Variants in PPARGC1A observed in about 807,000 individuals in gnomAD.
PPARGC1A encodes peroxisome proliferator-activated receptor gamma coactivator 1-alpha.
A neutral mutation model predicts 88.7 loss-of-function variants in PPARGC1A; 25 were observed. That is an observed-to-expected ratio of 0.28 (90% CI 0.21 to 0.39). The LOEUF is 0.39. Among genes scored for constraint, PPARGC1A ranks in the 10% least tolerant of loss-of-function variants. The pLI is 1.00. For missense variants in PPARGC1A, 880 were observed against 968.7 expected, an observed-to-expected ratio of 0.91 and a Z score of 1.22; for synonymous variants, 363 against 355.6, an observed-to-expected ratio of 1.02 and a Z score of -0.24.
At chr4:23,881,222 T>G (rs1033664149) in intron 2 of PPARGC1A, 6 of 152,344 alleles carry the variant, frequency 3.9e-5, no homozygotes, top group Admixed American at 1.3e-4. Flanking sequence ...CCTGTTTTCC[T>G]TACACATGGA....
At chr4:24,470,375 T>C in the PPARGC1A span, among the ~76,000 whole-genome samples, 8 of 149,212 alleles carry the variant, frequency 5.4e-5, no homozygotes. The surrounding 1 kb of genome is among the most constrained non-coding windows in gnomAD (Gnocchi z 5.8). Flanking sequence ...GAGCTGGAGT[T>C]TGCGGAGCCG....
chr4:23,978,702 A>G, the PPARGC1A span, among the ~76,000 whole-genome samples: 1 of 152,200 alleles, frequency 6.6e-6, no homozygotes, highest in Admixed American at 6.5e-5. Flanking sequence ...TTCTAAAAAC[A>G]TTCACATCAA....
At chr4:24,170,897 C>G in the PPARGC1A span, among the ~76,000 whole-genome samples, 1 of 152,208 alleles carries the variant, frequency 6.6e-6, no homozygotes, top group East Asian at 1.9e-4. Context: ...TCCCCTTTCT[C>G]TGACATCATC....
the PPARGC1A span, among the ~76,000 whole-genome samples, chr4:24,031,476 A>G: frequency 3.9e-5 from 6 of 152,074 alleles, no homozygotes; most frequent in African/African-American, 1.5e-4. Flanking sequence ...AAACTGTCTA[A>G]TAAACCTGAT....
chr4:24,455,601 C>T, the PPARGC1A span, among the ~76,000 whole-genome samples: 11 of 152,326 alleles, frequency 7.2e-5, no homozygotes, highest in East Asian at 2.1e-3. Context: ...GAAACTTAAT[C>T]CCCAATGCAA....
the PPARGC1A span, among the ~76,000 whole-genome samples, chr4:24,102,518 T>A: frequency 6.6e-6 from 1 of 152,204 alleles, no homozygotes; most frequent in Non-Finnish European, 1.5e-5. Flanking sequence ...CCTTTGGAGG[T>A]AGGACAATCC....
chr4:24,362,198 A>G, the PPARGC1A span, among the ~76,000 whole-genome samples: 473 of 152,302 alleles, frequency 3.1e-3, 6 homozygotes, highest in African/African-American at 0.011. Context: ...CTTCAGATAC[A>G]GGCTGTGATC....
the PPARGC1A span, among the ~76,000 whole-genome samples, chr4:24,043,278 A>AT: frequency 6.6e-6 from 1 of 152,184 alleles, no homozygotes; most frequent in African/African-American, 2.4e-5. Flanking sequence ...TGCCAAATTA[A>AT]TCTTACTAAA....
At chr4:23,912,092 T>C in the PPARGC1A span, among the ~76,000 whole-genome samples, 1 of 152,112 alleles carries the variant, frequency 6.6e-6, no homozygotes, top group Non-Finnish European at 1.5e-5. Context: ...AGTGGGGAAA[T>C]TTTTTAGAAA....
chr4:24,421,839 T>G, the PPARGC1A span, among the ~76,000 whole-genome samples: 1 of 152,252 alleles, frequency 6.6e-6, no homozygotes, highest in Non-Finnish European at 1.5e-5. Context: ...GTTCTTGTTA[T>G]GTTTATTTTT....
At chr4:24,203,292 A>G in the PPARGC1A span, among the ~76,000 whole-genome samples, 2 of 152,172 alleles carry the variant, frequency 1.3e-5, no homozygotes, top group African/African-American at 4.8e-5. Flanking sequence ...TAATCCCAGC[A>G]CTTTGGGAGG....
the PPARGC1A span, among the ~76,000 whole-genome samples, chr4:24,390,899 T>C: frequency 1.3e-5 from 2 of 152,038 alleles, no homozygotes; most frequent in African/African-American, 4.8e-5. Context: ...TCAAGCAACT[T>C]AGGAATGTAA....
chr4:24,064,075 C>T, the PPARGC1A span, among the ~76,000 whole-genome samples: 1 of 152,140 alleles, frequency 6.6e-6, no homozygotes, highest in Admixed American at 6.5e-5. Flanking sequence ...CTTTCCCCAT[C>T]TCCTTCCCAG....
the PPARGC1A span, among the ~76,000 whole-genome samples, chr4:24,164,279 G>GTCAT: frequency 2.0e-5 from 3 of 152,096 alleles, no homozygotes; most frequent in Non-Finnish European, 2.9e-5. Context: ...AACCCTCAGA[G>GTCAT]TCATCAGTTG....
the PPARGC1A span, among the ~76,000 whole-genome samples, chr4:24,266,024 C>A: frequency 3.4e-4 from 52 of 152,212 alleles, no homozygotes; most frequent in Non-Finnish European, 5.3e-4. Flanking sequence ...TAACCCAAGC[C>A]CGTAAAAAGG....
At chr4:24,115,275 G>C in the PPARGC1A span, among the ~76,000 whole-genome samples, 1 of 152,122 alleles carries the variant, frequency 6.6e-6, no homozygotes, top group African/African-American at 2.4e-5. Context: ...TTGCACAATT[G>C]TCGCTTTAAA....
the PPARGC1A span, among the ~76,000 whole-genome samples, chr4:24,164,741 T>C: frequency 6.6e-6 from 1 of 152,164 alleles, no homozygotes; most frequent in Non-Finnish European, 1.5e-5. Flanking sequence ...TTGCAGCACA[T>C]GGGAAAAGTA....
chr4:24,029,529 T>C, the PPARGC1A span, among the ~76,000 whole-genome samples: 1 of 152,156 alleles, frequency 6.6e-6, no homozygotes. Context: ...GTAAAAATCA[T>C]CTCGGAGCCT....
the PPARGC1A span, among the ~76,000 whole-genome samples, chr4:23,941,924 G>A: frequency 6.6e-6 from 1 of 151,992 alleles, no homozygotes; most frequent in Non-Finnish European, 1.5e-5. Flanking sequence ...ATCTAGATTT[G>A]GAGACTAAAA....
Sources: allele counts gnomAD v4.1 joint callset (sites outside exome capture counted in the v4.1 genomes callset), GRCh38; gene constraint gnomAD v4.1.1; non-coding constraint Gnocchi (gnomAD v3.1); transcripts MANE v1.5; gene names NCBI Gene and HGNC (gene_info 2026-07-23, HGNC 2026-07-21).